The following CPT2 variants were observed in gnomAD, a reference collection of about 807,000 sequenced individuals.
CPT2 encodes carnitine O-palmitoyltransferase 2, mitochondrial.
A neutral mutation model predicts 48.6 loss-of-function variants in CPT2; 37 were observed. That is an observed-to-expected ratio of 0.76 (90% CI 0.59 to 1.00). CPT2 has a LOEUF of 1.00. Among genes scored for constraint, CPT2 ranks in the 50% least tolerant of loss-of-function variants. The probability of loss-of-function intolerance (pLI) is 0.00; values close to 1 mark genes in which losing one functional copy is unlikely to be tolerated. For missense variants in CPT2, 772 were observed against 825.6 expected, an observed-to-expected ratio of 0.94 and a Z score of 0.80; for synonymous variants, 319 against 326.9, an observed-to-expected ratio of 0.98 and a Z score of 0.26.
At chr1:53,205,873 CAAGAGTTGAG>C (rs1298224657) in intron 3 of CPT2, among the ~76,000 whole-genome samples, 2 of 152,200 alleles carry the variant, frequency 1.3e-5, no homozygotes, top group Non-Finnish European at 2.9e-5. Flanking sequence ...GTGCAGAAAA[CAAGAGTTGAG>C]GTTTGAAAAC....
chr1:53,202,380 G>A lies in CPT2; in HGVS notation c.291G>A (p.Glu97=), dbSNP rs1311085721. The A allele has an allele frequency of 6.2e-7, 1 of 1,614,144 alleles. No homozygotes were observed. Among genetic ancestry groups the A allele is most frequent in the Non-Finnish European group, 8.5e-7 (1 of 1,179,978 alleles). ...ATGGGATTGGAAAAGAACTGCATGA[G>A]CAGCTGGTTGCTCTGGACAAACAGA... ...FENGIGKELH[E]QLVALDKQNK... The change falls in exon 3 of 5, where the codon GAG becomes GAA. Residue 97 remains glutamate (E), a synonymous_variant. Coordinates refer to ENST00000371486, the MANE Select transcript of CPT2 (RefSeq NM_000098.3).
Position 53,210,461 on chromosome 1 carries a change from A to C in CPT2, c.787A>C (p.Ile263Leu). ...IFDVLDQDGN[I>L]VSPSEIQAHL... ...TGATGTCCTGGATCAAGATGGGAAC[A>C]TTGTGAGCCCCTCGGAAATCCAGGC... The change falls in exon 4 of 5, where the codon ATT becomes CTT. Residue 263 changes from isoleucine (I) to leucine (L), a missense_variant. Physicochemically the swap from Ile to Leu is conservative, Grantham distance 5 (BLOSUM62 2). Transcript: ENST00000371486. The C allele has an allele frequency of 1.2e-6, 2 of 1,614,152 alleles. No individual in the cohort carries two copies. Among genetic ancestry groups the C allele is most frequent in the Middle Eastern group, 3.3e-4 (2 of 6,062 alleles).
rs766004296 is a variant in CPT2 at position 53,213,281 on chromosome 1, C to G, written c.1663C>G (p.His555Asp). Residue 555 changes from histidine (H) to aspartate (D), a missense_variant, in exon 5 of 5, where the codon CAC becomes GAC. Physicochemically the swap from His to Asp is moderately conservative, Grantham distance 81. Transcript: ENST00000371486. ...TCTCACAGGCCAGGGCTTTGACCGA[C>G]ACTTGTTTGCTCTGCGGCATCTGGC... is the stretch of plus-strand genomic sequence containing the variant. The part of the protein sequence containing the change: ...EAAMGQGFDR[H>D]LFALRHLAAA... 11 of 1,614,188 alleles carry G rather than the reference C, an allele frequency of 6.8e-6. No homozygotes were observed. The highest frequency in any genetic ancestry group is 9.3e-6 in the Non-Finnish European group (11 of 1,180,034).
intron 4 of CPT2, chr1:53,211,579 C>T (rs184518685): frequency 1.0e-4 from 49 of 489,790 alleles, no homozygotes; most frequent in South Asian, 6.8e-4. Context: ...TCAGCTGTGA[C>T]GCATTAATTC....
At chr1:53,213,155 C>A in intron 4 of CPT2, 109 bp from the exon 5 acceptor site, 8 of 1,035,096 alleles carry the variant, frequency 7.7e-6, no homozygotes, top group South Asian at 1.3e-5. Flanking sequence ...AGCCTTCCCC[C>A]ACTCTCAAGG....
chr1:53,213,348 C>T lies in CPT2; in HGVS notation c.1730C>T (p.Pro577Leu). ...GIILPELYLD[P>L]AYGQINHNVL... ...ATCTTGCCTGAGCTCTACCTGGACC[C>T]TGCATACGGGCAGATAAACCACAAT... The change falls in exon 5 of 5, where the codon CCT becomes CTT. Residue 577 changes from proline to leucine, a missense_variant. Pro to Leu is a moderately conservative substitution (Grantham distance 98). Transcript: ENST00000371486. The T allele has an allele frequency of 6.2e-7, 1 of 1,614,250 alleles. No individual in the cohort carries two copies. The highest frequency in any genetic ancestry group is 1.1e-5 in the South Asian group (1 of 91,090).
chr1:53,206,124 A>G (rs1226201916), intron 3 of CPT2, among the ~76,000 whole-genome samples: 2 of 149,372 alleles, frequency 1.3e-5, no homozygotes, highest in Non-Finnish European at 3.0e-5. Flanking sequence ...CAGAGCTTGC[A>G]GTGAGCCAAG....
chr1:53,203,508 A>G (rs1479369557), intron 3 of CPT2: 8 of 152,174 alleles, frequency 5.3e-5, no homozygotes, highest in Non-Finnish European at 1.5e-5. Flanking sequence ...CTATGTGCTT[A>G]CTAATTTACC....
intron 3 of CPT2, chr1:53,209,813 A>T (rs932445693): frequency 1.2e-4 from 71 of 607,048 alleles, no homozygotes; most frequent in Admixed American, 3.0e-4. Flanking sequence ...TAAGTGATAG[A>T]AGCTAAATGC....
Position 53,213,568 on chromosome 1 carries a change from C to T in CPT2, c.1950C>T (p.Ala650=). Residue 650 remains alanine (A), a synonymous_variant, in exon 5 of 5, where the codon GCC becomes GCT. Transcript: ENST00000371486. ...AGGCCTTAGAAGACATGTTTGATGC[C>T]TTAGAAGGCAAATCCATCAAAAGTT... ...VEKALEDMFD[A]LEGKSIKS 6.2e-7 allele frequency: 1 copy of T among 1,613,950 alleles called. No homozygotes were observed. Among genetic ancestry groups the T allele is most frequent in the Non-Finnish European group, 8.5e-7 (1 of 1,180,016 alleles).
intron 3 of CPT2, among the ~76,000 whole-genome samples, chr1:53,206,182 C>CAAAAA (rs951448638): frequency 1.7e-5 from 1 of 58,922 alleles, no homozygotes; most frequent in Non-Finnish European, 3.7e-5. Context: ...GACTCCATTT[C>CAAAAA]AAAAAAAAAA....
At chr1:53,203,579 C>G (rs1284518822) in intron 3 of CPT2, 2 of 152,196 alleles carry the variant, frequency 1.3e-5, no homozygotes, top group Non-Finnish European at 2.9e-5. Context: ...ATTGGACATT[C>G]TATCCCTTTT....
chr1:53,211,059 G>T lies in CPT2; in HGVS notation c.1385G>T (p.Ser462Ile). Reference sequence around the variant, plus strand: ...GAATTCCTGAAGAAGCAAAAGCTGAGCCCTGACGCAGTTGCCCAGCTGGCA... The same window carrying T: ...GAATTCCTGAAGAAGCAAAAGCTGATCCCTGACGCAGTTGCCCAGCTGGCA... Reference protein sequence around the residue: ...GKEFLKKQKLSPDAVAQLAFQ... With the variant: ...GKEFLKKQKLIPDAVAQLAFQ... The change falls in exon 4 of 5, where the codon AGC (serine) becomes ATC (isoleucine). Residue 462 changes from serine (S) to isoleucine (I), a missense_variant. Transcript: ENST00000371486. The T allele has an allele frequency of 6.2e-7, 1 of 1,614,202 alleles. No homozygotes were observed. Among genetic ancestry groups the T allele is most frequent in the Non-Finnish European group, 8.5e-7 (1 of 1,180,040 alleles).
At chr1:53,198,568 G>A (rs1307662588) in intron 1 of CPT2, among the ~76,000 whole-genome samples, 1 of 152,234 alleles carries the variant, frequency 6.6e-6, no homozygotes, top group Non-Finnish European at 1.5e-5. Flanking sequence ...TGGGTGAAAG[G>A]TGAGGACTGA....
At chr1:53,197,547 A>C in intron 1 of CPT2, 1 of 255,592 alleles carries the variant, frequency 3.9e-6, no homozygotes, top group Non-Finnish European at 7.8e-6. Flanking sequence ...CCATTCCTTA[A>C]CTTCTCCCAG....
At position 53,202,399 on chromosome 1, in the gene CPT2, A is replaced by G; in HGVS notation, c.310A>G (p.Lys104Glu). The change falls in exon 3 of 5, where the codon AAA becomes GAA. Residue 104 changes from lysine to glutamate, a missense_variant. Lys to Glu is a moderately conservative substitution (Grantham distance 56, BLOSUM62 1). Transcript: ENST00000371486. ...GCATGAGCAGCTGGTTGCTCTGGAC[A>G]AACAGAATAAACATACAAGCTACAT... The part of the protein sequence containing the change: ...ELHEQLVALD[K>E]QNKHTSYISG... 6.2e-7 allele frequency: 1 copy of G among 1,614,104 alleles called. No homozygotes were observed. Among genetic ancestry groups the G allele is most frequent in the Non-Finnish European group, 8.5e-7 (1 of 1,179,940 alleles).
chr1:53,211,724 A>G (rs181409073), intron 4 of CPT2, among the ~76,000 whole-genome samples: 36 of 145,940 alleles, frequency 2.5e-4, no homozygotes, highest in African/African-American at 7.2e-4. Flanking sequence ...TCTGCCTCCC[A>G]AGTAGCTGGG....
In CPT2 at chr1:53,211,179, T is replaced by C. The variant is rs1553169799; in HGVS notation, c.1505T>C (p.Ile502Thr). The C allele has an allele frequency of 6.2e-7, 1 of 1,608,976 alleles. No individual in the cohort carries two copies. The highest frequency in any genetic ancestry group is 8.5e-7 in the Non-Finnish European group (1 of 1,176,392). ...AAFKHGRTET[I>T]RPASVYTKRC... ...TTCAAGCACGGCCGCACTGAGACCATCCGCCCGGCCTCCGTCTATACAAAG... is the reference window on the plus strand; with the variant it reads ...TTCAAGCACGGCCGCACTGAGACCACCCGCCCGGCCTCCGTCTATACAAAG... Residue 502 changes from isoleucine to threonine, a missense_variant, in exon 4 of 5, where the codon ATC becomes ACC. Ile to Thr is a moderately conservative substitution (Grantham distance 89). Coordinates refer to ENST00000371486, the MANE Select transcript of CPT2 (RefSeq NM_000098.3).
At position 53,213,521 on chromosome 1, in the gene CPT2, G is replaced by C. The variant is rs1451555800; in HGVS notation, c.1903G>C (p.Glu635Gln). 6.2e-7 allele frequency: 1 copy of C among 1,614,232 alleles called. No homozygotes were observed. The highest frequency in any genetic ancestry group is 8.5e-7 in the Non-Finnish European group (1 of 1,180,028). Residue 635 changes from glutamate to glutamine, a missense_variant, in exon 5 of 5, where the codon GAG becomes CAG. Physicochemically the swap from Glu to Gln is conservative, Grantham distance 29 (BLOSUM62 2). Coordinates refer to ENST00000371486, the MANE Select transcript of CPT2 (RefSeq NM_000098.3). Reference sequence around the variant, plus strand: ...TTCCTACCCAGGCCGCAATGCCCGGGAGTTTCTCCAATGTGTGGAGAAGGC... The same window carrying C: ...TTCCTACCCAGGCCGCAATGCCCGGCAGTTTCTCCAATGTGTGGAGAAGGC... Reference protein sequence around the residue: ...VSSYPGRNAREFLQCVEKALE... With the variant: ...VSSYPGRNARQFLQCVEKALE...
Sources: allele counts gnomAD v4.1 joint callset (sites outside exome capture counted in the v4.1 genomes callset), GRCh38; gene constraint gnomAD v4.1.1; transcripts MANE v1.5; gene names NCBI Gene and HGNC (gene_info 2026-07-23, HGNC 2026-07-21).